The following ADAMTSL1 variants were observed in gnomAD, a reference collection of about 807,000 sequenced individuals.
The protein encoded by ADAMTSL1 is ADAMTS like 1.
A neutral mutation model predicts 201.8 loss-of-function variants in ADAMTSL1; 126 were observed. That is an observed-to-expected ratio of 0.62 (90% CI 0.54 to 0.72). The LOEUF is 0.72. Among genes scored for constraint, ADAMTSL1 ranks in the 30% least tolerant of loss-of-function variants. The probability of loss-of-function intolerance (pLI) is 0.00; values close to 1 mark genes in which losing one functional copy is unlikely to be tolerated. For synonymous variants in ADAMTSL1, 1,121 were observed against 903.4 expected, an observed-to-expected ratio of 1.24 and a Z score of -4.32; for missense variants, 2,679 against 2,277.8, an observed-to-expected ratio of 1.18 and a Z score of -3.59.
intron 2 of ADAMTSL1, among the ~76,000 whole-genome samples, chr9:18,360,184 C>T (rs1554666132): frequency 1.3e-5 from 2 of 152,186 alleles, no homozygotes; most frequent in African/African-American, 2.4e-5. Context: ...CCTCTGATCC[C>T]CAAGCAGCTG....
chr9:17,930,317 G>A (rs1826726356), intron 1 of ADAMTSL1, among the ~76,000 whole-genome samples: 1 of 152,082 alleles, frequency 6.6e-6, no homozygotes, highest in Non-Finnish European at 1.5e-5. Flanking sequence ...TGACATATGG[G>A]GGAAGGGAAT....
intron 15 of ADAMTSL1, among the ~76,000 whole-genome samples, chr9:18,749,620 A>G (rs1469533526): frequency 6.6e-6 from 1 of 152,206 alleles, no homozygotes; most frequent in Non-Finnish European, 1.5e-5. Context: ...TTCCTCTCTC[A>G]GAAACAGCCA....
chr9:17,948,260 C>T (rs1275992294), intron 1 of ADAMTSL1, among the ~76,000 whole-genome samples: 1 of 152,224 alleles, frequency 6.6e-6, no homozygotes, highest in East Asian at 1.9e-4. Flanking sequence ...GTTCCAACTC[C>T]TCTCTGCATG....
At chr9:18,399,237 T>C (rs893163034) in intron 2 of ADAMTSL1, among the ~76,000 whole-genome samples, 4 of 135,584 alleles carry the variant, frequency 3.0e-5, no homozygotes, top group South Asian at 2.4e-4. Context: ...AACTTAAGGA[T>C]TGAAGGAGCT....
intron 3 of ADAMTSL1, among the ~76,000 whole-genome samples, chr9:18,551,151 A>G (rs2132222117): frequency 6.6e-6 from 1 of 152,024 alleles, no homozygotes; most frequent in South Asian, 2.1e-4. Flanking sequence ...TGGTGGTTTC[A>G]ATCCATATTC....
chr9:18,205,247 A>G (rs1174541902), intron 2 of ADAMTSL1, among the ~76,000 whole-genome samples: 2 of 152,228 alleles, frequency 1.3e-5, no homozygotes, highest in Non-Finnish European at 2.9e-5. Flanking sequence ...ATGACTCATA[A>G]TTATATACAC....
chr9:18,157,817 C>A (rs2132070433), intron 1 of ADAMTSL1, among the ~76,000 whole-genome samples: 1 of 152,018 alleles, frequency 6.6e-6, no homozygotes, highest in South Asian at 2.1e-4. Context: ...CATATTTAGC[C>A]TTTCCTTCAG....
intron 1 of ADAMTSL1, among the ~76,000 whole-genome samples, chr9:17,909,459 A>G: frequency 7.8e-6 from 1 of 127,720 alleles, no homozygotes; most frequent in South Asian, 3.3e-4. Flanking sequence ...TTTTAGGTCT[A>G]ACGTTTAAGT....
At chr9:18,568,203 T>G (rs1366896920) in intron 3 of ADAMTSL1, among the ~76,000 whole-genome samples, 1 of 152,192 alleles carries the variant, frequency 6.6e-6, no homozygotes, top group Non-Finnish European at 1.5e-5. Context: ...ACACTGATTT[T>G]TTTTTTCCGA....
intron 1 of ADAMTSL1, among the ~76,000 whole-genome samples, chr9:18,039,786 A>G (rs191041812): frequency 1.3e-5 from 2 of 152,284 alleles, no homozygotes; most frequent in Admixed American, 6.5e-5. Context: ...AGATTTGAGG[A>G]TACTCATTTT....
chr9:17,999,963 C>T (rs2131527440), intron 1 of ADAMTSL1, among the ~76,000 whole-genome samples: 1 of 146,492 alleles, frequency 6.8e-6, no homozygotes, highest in Middle Eastern at 3.5e-3. Flanking sequence ...CATAGTATTC[C>T]ATGGTGTATA....
At chr9:18,715,203 C>G (rs1443674302) in intron 14 of ADAMTSL1, among the ~76,000 whole-genome samples, 2 of 149,542 alleles carry the variant, frequency 1.3e-5, no homozygotes, top group Non-Finnish European at 3.0e-5. Flanking sequence ...TCTCTCACCA[C>G]TCCTATTCAA....
At chr9:18,468,749 A>G (rs760903608) in intron 2 of ADAMTSL1, among the ~76,000 whole-genome samples, 3 of 152,250 alleles carry the variant, frequency 2.0e-5, no homozygotes, top group Non-Finnish European at 2.9e-5. Flanking sequence ...AACAGCCTCC[A>G]GAATTCCTTT....
intron 3 of ADAMTSL1, among the ~76,000 whole-genome samples, chr9:18,555,838 G>A (rs1446121019): frequency 6.6e-6 from 1 of 151,926 alleles, no homozygotes; most frequent in Non-Finnish European, 1.5e-5. Context: ...TAACAAATAC[G>A]AAGAAAAGAA....
intron 2 of ADAMTSL1, among the ~76,000 whole-genome samples, chr9:18,383,988 C>T (rs1032038460): frequency 6.6e-6 from 1 of 152,114 alleles, no homozygotes; most frequent in Non-Finnish European, 1.5e-5. Flanking sequence ...GATACTGCTG[C>T]TCATTGCTTT....
intron 2 of ADAMTSL1, among the ~76,000 whole-genome samples, chr9:18,404,392 T>G (rs1185929454): frequency 6.6e-6 from 1 of 152,216 alleles, no homozygotes; most frequent in Non-Finnish European, 1.5e-5. Flanking sequence ...AAAAGCCTCA[T>G]TCTCCCATAG....
intron 7 of ADAMTSL1, among the ~76,000 whole-genome samples, chr9:18,655,287 A>G (rs1828556375): frequency 6.6e-6 from 1 of 152,178 alleles, no homozygotes; most frequent in Non-Finnish European, 1.5e-5. Context: ...CAGCTCTGTC[A>G]TGACAGTGCA....
intron 22 of ADAMTSL1, among the ~76,000 whole-genome samples, chr9:18,828,696 A>ATATATATATATTTT (rs1384860090): frequency 1.1e-5 from 1 of 91,072 alleles, no homozygotes; most frequent in Admixed American, 1.1e-4. Flanking sequence ...ATATATATAA[A>ATATATATATATTTT]ATGTGTGTGT....
chr9:18,003,472 T>C (rs552246557), intron 1 of ADAMTSL1, among the ~76,000 whole-genome samples: 6 of 152,190 alleles, frequency 3.9e-5, no homozygotes, highest in African/African-American at 9.6e-5. Flanking sequence ...CTGTGCACAC[T>C]CTACCTACAT....
Sources: allele counts gnomAD v4.1 joint callset (sites outside exome capture counted in the v4.1 genomes callset), GRCh38; gene constraint gnomAD v4.1.1; transcripts MANE v1.5; gene names NCBI Gene and HGNC (gene_info 2026-07-23, HGNC 2026-07-21).